The following MED13 variants were observed in gnomAD, a reference collection of about 807,000 sequenced individuals.
MED13 encodes the protein mediator of RNA polymerase II transcription subunit 13.
Under a neutral mutation model 225.2 loss-of-function variants are expected in MED13, and 23 were observed. The ratio of observed to expected loss-of-function variants is 0.10; its 90% confidence interval spans 0.07 to 0.14. The LOEUF (loss-of-function observed/expected upper bound fraction) is 0.14. MED13 is among the 10% of genes least tolerant of loss of function. The probability of loss-of-function intolerance (pLI) is 1.00; values close to 1 mark genes in which losing one functional copy is unlikely to be tolerated. For missense variants in MED13, 2,197 were observed against 2,594.5 expected (o/e 0.85, Z 3.33); for synonymous variants, 942 against 889.2 (o/e 1.06, Z -1.06).
In MED13 at chr17:62,052,632, A is replaced by G; in HGVS notation, c.375T>C (p.Asn125=). ...CRTLLFKAVH[N]LLERCLMNRN... Reference sequence around the variant, plus strand: ...TGTTCATTAAACACCGTTCCAATAGATTGTGAACTGCTTTGAAAAGCAGAG... The same window carrying G: ...TGTTCATTAAACACCGTTCCAATAGGTTGTGAACTGCTTTGAAAAGCAGAG... The change falls in exon 3 of 30, where the codon AAT becomes AAC. Residue 125 remains asparagine, a synonymous_variant. Transcript: ENST00000397786. 2 of 1,604,026 alleles carry G rather than the reference A, an allele frequency of 1.2e-6. No homozygotes were observed. The highest frequency in any genetic ancestry group is 2.3e-5 in the South Asian group (2 of 88,692).
chr17:62,029,448 T>C, intron 8 of MED13, 93 bp downstream of exon 8: 1 of 891,738 alleles, frequency 1.1e-6, no homozygotes, highest in Non-Finnish European at 1.7e-6. Flanking sequence ...TGACATATGT[T>C]CATGTAAGCT....
At chr17:61,961,846 TA>T (rs1447135482) in intron 21 of MED13, 67 bp from the exon 22 acceptor site, 1 of 1,418,294 alleles carries the variant, frequency 7.1e-7, no homozygotes, top group Non-Finnish European at 9.7e-7. Flanking sequence ...ACTGTGGGTC[TA>T]AAACTCTAAA....
chr17:62,043,717 A>G (rs1278040893), intron 3 of MED13, among the ~76,000 whole-genome samples: 1 of 152,254 alleles, frequency 6.6e-6, no homozygotes, highest in Non-Finnish European at 1.5e-5. Context: ...CTCTAAGCAC[A>G]GCACACACAC....
intron 2 of MED13, among the ~76,000 whole-genome samples, chr17:62,061,451 G>A (rs1260487739): frequency 1.3e-5 from 2 of 152,078 alleles, no homozygotes; most frequent in Admixed American, 1.3e-4. Flanking sequence ...CTTAAAAAAA[G>A]ATCTGTTTAG....
intron 8 of MED13, among the ~76,000 whole-genome samples, chr17:62,019,708 C>T (rs556433957): frequency 1.5e-4 from 23 of 151,824 alleles, no homozygotes; most frequent in Non-Finnish European, 2.5e-4. Context: ...TTTCTAAAAG[C>T]TAGTTTCTTT....
chr17:62,035,254 C>T (rs147537448), intron 4 of MED13, among the ~76,000 whole-genome samples: 125 of 152,134 alleles, frequency 8.2e-4, no homozygotes, highest in African/African-American at 2.4e-3. Flanking sequence ...TCACCATTCA[C>T]GGTCAAGAAT....
At chr17:62,031,796 CTTTT>C (rs201086493) in intron 5 of MED13, among the ~76,000 whole-genome samples, 158 bp from the exon 6 acceptor site, 4 of 144,690 alleles carry the variant, frequency 2.8e-5, no homozygotes, top group Admixed American at 6.9e-5. Flanking sequence ...TTTTTCTTTT[CTTTT>C]TTTTTTTTCT....
Position 61,965,301 on chromosome 17 carries a change from T to A in MED13, c.4549A>T (p.Thr1517Ser). 3 of 1,614,234 alleles carry A rather than the reference T, an allele frequency of 1.9e-6. No homozygotes were observed. The highest frequency in any genetic ancestry group is 2.5e-6 in the Non-Finnish European group (3 of 1,180,038). ...GAAGTAGATATGGCAACACCTGAAG[T>A]CACTGTCATAGTGCTGCTCGCTGCA... ...ASAASSTMTV[T>S]SGVAISTSVA... The change falls in exon 20 of 30, where the codon ACT (threonine) becomes TCT (serine). Residue 1517 changes from threonine to serine, a missense_variant. Physicochemically the swap from Thr to Ser is moderately conservative, Grantham distance 58. Transcript: ENST00000397786.
Position 61,972,770 on chromosome 17 carries a change from G to A in MED13, c.3924C>T (p.Leu1308=). ...CCATTTTATGAAATTGTTGCCAAGT[G>A]AGAGGACCCTGAACACCCCAAGGTC... ...TVRPWGVQGP[L]TWQQFHKMAG... is the part of the protein sequence containing the mutation. The change falls in exon 17 of 30, where the codon CTC becomes CTT. Residue 1308 remains leucine, a synonymous_variant. Transcript: ENST00000397786. 2 of 1,612,976 alleles carry A rather than the reference G, an allele frequency of 1.2e-6. No homozygotes were observed. The highest frequency in any genetic ancestry group is 8.5e-7 in the Non-Finnish European group (1 of 1,179,698).
chr17:62,009,113 TAATA>T (rs1453247160), intron 9 of MED13, among the ~76,000 whole-genome samples: 6 of 152,330 alleles, frequency 3.9e-5, no homozygotes, highest in Admixed American at 2.0e-4. Context: ...GGCCTTGTAC[TAATA>T]AATAGGTAGA....
chr17:61,968,524 C>T (rs1358663310), intron 17 of MED13, among the ~76,000 whole-genome samples: 2 of 152,144 alleles, frequency 1.3e-5, no homozygotes, highest in African/African-American at 4.8e-5. Flanking sequence ...GACGAGGTTT[C>T]ACCGTGTTAG....
In MED13 at chr17:61,944,305, TG is replaced by T. The variant is rs1346321927; in HGVS notation, c.*2162del. On this transcript the variant is annotated 3_prime_UTR_variant, in exon 30 of 30. Transcript: ENST00000397786. The stretch of plus-strand genomic sequence containing the variant: ...TTTATTTTGTAAAGTCACTATTAAG[TG>T]TATAAAAAGGATACTCTTTTTATGG... 6.6e-6 allele frequency: 1 copy of T among 152,472 alleles called. No individual in the cohort carries two copies. Among genetic ancestry groups the T allele is most frequent in the Non-Finnish European group, 1.5e-5 (1 of 67,972 alleles). 9.4% of individuals were successfully genotyped at this position (152,472 alleles called of 1,614,324 possible).
At chr17:61,978,320 G>A (rs568919151) in intron 16 of MED13, among the ~76,000 whole-genome samples, 11 of 151,876 alleles carry the variant, frequency 7.2e-5, no homozygotes, top group South Asian at 2.1e-4. Context: ...GCAGGATCTC[G>A]GGCTCACTGC....
chr17:62,033,763 A>G, intron 5 of MED13, 24 bp downstream of exon 5: 1 of 1,605,224 alleles, frequency 6.2e-7, no homozygotes, highest in Non-Finnish European at 8.5e-7. Context: ...TTTTCCCCTT[A>G]GGAATAATAC....
chr17:61,984,908 G>T, intron 13 of MED13, 43 bp from the exon 14 acceptor site: 1 of 1,592,756 alleles, frequency 6.3e-7, no homozygotes, highest in Non-Finnish European at 8.6e-7. Context: ...ACTAAAAATA[G>T]GCGAATCTGT....
At chr17:62,009,473 AATG>A (rs1365564341) in intron 9 of MED13, among the ~76,000 whole-genome samples, 1 of 152,252 alleles carries the variant, frequency 6.6e-6, no homozygotes, top group African/African-American at 2.4e-5. Flanking sequence ...AAACATTTTA[AATG>A]ATGCTCAATC....
intron 3 of MED13, among the ~76,000 whole-genome samples, chr17:62,041,712 G>A (rs2080854482): frequency 1.3e-5 from 2 of 152,010 alleles, no homozygotes; most frequent in South Asian, 4.2e-4. Context: ...AAGTTAGGTG[G>A]GACTACAGGT....
chr17:61,976,730 C>T (rs759453903), intron 16 of MED13, among the ~76,000 whole-genome samples: 7 of 152,102 alleles, frequency 4.6e-5, no homozygotes, highest in Non-Finnish European at 8.8e-5. Context: ...GTCAGGAGAT[C>T]GAGACCATTC....
intron 17 of MED13, 79 bp from the exon 18 acceptor site, chr17:61,968,337 A>T (rs984954744): frequency 2.2e-4 from 231 of 1,040,330 alleles, no homozygotes; most frequent in African/African-American, 6.4e-4. Flanking sequence ...TTATTTATTT[A>T]TTTTTTGAGA....
Sources: gnomAD v4.1 joint callset for allele counts (sites outside exome capture counted in the v4.1 genomes callset) on GRCh38, gnomAD v4.1.1 for gene constraint, MANE v1.5 for transcripts, NCBI Gene and HGNC (gene_info 2026-07-23, HGNC 2026-07-21) for gene names.